The following GOSR2 variants were observed in gnomAD, a reference collection of about 807,000 sequenced individuals.
GOSR2 encodes golgi SNAP receptor complex member 2.
GOSR2 carries 20 observed loss-of-function variants against 27.9 expected under a neutral mutation model. The ratio of observed to expected loss-of-function variants is 0.72; its 90% CI spans 0.50 to 1.04. The LOEUF (loss-of-function observed/expected upper bound fraction) is 1.04. Ranked by LOEUF, GOSR2 falls within the 50% of genes least tolerant of loss-of-function variation. The pLI is 0.00. For missense variants in GOSR2, 261 were observed against 270.5 expected (o/e 0.97, Z 0.25); for synonymous variants, 91 against 98.8 (o/e 0.92, Z 0.47).
At chr17:46,949,604 G>A (rs544575233) in intron 6 of GOSR2, among the ~76,000 whole-genome samples, 3 of 152,300 alleles carry the variant, frequency 2.0e-5, no homozygotes, top group East Asian at 1.9e-4. Flanking sequence ...TGATGCTCAC[G>A]TCTAGCTGGG....
At chr17:46,974,997 T>G (rs931414135) in intron 6 of GOSR2, among the ~76,000 whole-genome samples, 1 of 25,794 alleles carries the variant, frequency 3.9e-5, no homozygotes, top group Non-Finnish European at 1.4e-4. Context: ...CTTTTTTTTT[T>G]TTTTTTTTTT....
downstream of GOSR2, among the ~76,000 whole-genome samples, chr17:46,944,419 G>C (rs2089650626): frequency 6.6e-6 from 1 of 152,134 alleles, no homozygotes; most frequent in African/African-American, 2.4e-5. Context: ...GTCCCTTTCT[G>C]GGGTGGACAT....
chr17:46,939,796 G>A lies in GOSR2; in HGVS notation c.*1036G>A, dbSNP rs948647426. On this transcript the variant is annotated 3_prime_UTR_variant, in exon 6 of 6. Transcript: ENST00000640051. ...CCTTTTTCCTTCTGTGACCAGCCCC[G>A]GATTCAGGCTGTACTAATACCAGGT... 4.1e-5 allele frequency: 40 copies of A among 987,008 alleles called. No individual in the cohort carries two copies. Among genetic ancestry groups the A allele is most frequent in the Non-Finnish European group, 4.2e-5 (35 of 830,976 alleles). The allele number at this position is 987,008 out of a possible 1,614,324, so 61.1% of individuals were successfully genotyped here.
chr17:46,931,940 G>T, intron 3 of GOSR2, 127 bp from the exon 4 acceptor site: 1 of 808,804 alleles, frequency 1.2e-6, no homozygotes, highest in Non-Finnish European at 2.2e-6. Context: ...TGTGGTGAGG[G>T]GGTATAGTGT....
rs1358308669 is a variant in GOSR2 at position 46,940,838 on chromosome 17, T to C, written c.*2078T>C. ...CCTGCGGCTGGTGGACAGCAGCCAG[T>C]GTGTCTGGACACCCAGGGGCATTGA... On this transcript the variant is annotated 3_prime_UTR_variant, in exon 6 of 6. Transcript: ENST00000640051. 1.1e-5 allele frequency: 16 copies of C among 1,457,080 alleles called. No homozygotes were observed. The highest frequency in any genetic ancestry group is 9.8e-5 in the South Asian group (7 of 71,160). The allele number at this position is 1,457,080 out of a possible 1,614,324, so 90.3% of individuals were successfully genotyped here.
chr17:46,943,622 A>G (rs186685241), downstream of GOSR2, among the ~76,000 whole-genome samples: 5 of 152,138 alleles, frequency 3.3e-5, no homozygotes, highest in Admixed American at 1.3e-4. Context: ...TAGTAGGCGC[A>G]GGCGCCATCG....
At chr17:46,923,863 G>A (rs749687413) in intron 1 of GOSR2, 1 of 398,312 alleles carries the variant, frequency 2.5e-6, no homozygotes, top group Non-Finnish European at 4.4e-6. Context: ...GCTGAGATAC[G>A]TAGTTGAGTA....
chr17:46,957,612 C>G (rs1429844083), intron 6 of GOSR2, among the ~76,000 whole-genome samples: 2 of 126,730 alleles, frequency 1.6e-5, no homozygotes, highest in African/African-American at 2.7e-5. Flanking sequence ...GACTTGGTCT[C>G]AAAACAAACA....
downstream of GOSR2, among the ~76,000 whole-genome samples, chr17:46,942,347 C>T (rs1472339117): frequency 6.6e-6 from 1 of 152,240 alleles, no homozygotes; most frequent in Non-Finnish European, 1.5e-5. Flanking sequence ...CCCTGCCAAT[C>T]TGAAACCCTC....
downstream of GOSR2, among the ~76,000 whole-genome samples, chr17:46,969,264 G>A (rs1468176324): frequency 6.6e-6 from 1 of 152,216 alleles, no homozygotes; most frequent in Non-Finnish European, 1.5e-5. Flanking sequence ...CCCTTCTGGA[G>A]AGGACTGAAG....
At position 46,929,382 on chromosome 17, in the gene GOSR2, G is replaced by T. The variant is rs980846880; in HGVS notation, c.30-138G>T. ...CATGCCAAAACGTGGGACCTAAAGT[G>T]CCACATACAAATTTTACAGTTCAGT... On this transcript the variant is annotated intron_variant, in intron 1 of 5. Coordinates refer to ENST00000640051, the MANE Select transcript of GOSR2 (RefSeq NM_004287.5). 1.9e-5 allele frequency: 13 copies of T among 697,486 alleles called. No individual in the cohort carries two copies. The African/African-American group carries it at 1.9e-4, about 10-fold the overall frequency. 43.2% of individuals were successfully genotyped at this position (697,486 alleles called of 1,614,324 possible).
chr17:46,932,391 C>A, intron 4 of GOSR2, 192 bp downstream of exon 4: 1 of 644,200 alleles, frequency 1.6e-6, no homozygotes, highest in South Asian at 1.9e-5. Context: ...TTTTCTAAGA[C>A]AAAAACCTGA....
At chr17:46,957,438 C>T (rs1266122881) in intron 6 of GOSR2, among the ~76,000 whole-genome samples, 3 of 152,116 alleles carry the variant, frequency 2.0e-5, no homozygotes, top group African/African-American at 4.8e-5. Flanking sequence ...CATGGTGAAA[C>T]CCCATCTCTA....
Position 46,940,834 on chromosome 17 carries a change from C to G in GOSR2, c.*2074C>G. The G allele has an allele frequency of 6.9e-7, 1 of 1,458,506 alleles. No individual in the cohort carries two copies. The allele number at this position is 1,458,506 out of a possible 1,614,324, so 90.3% of individuals were successfully genotyped here. ...ACCACCTGCGGCTGGTGGACAGCAG[C>G]CAGTGTGTCTGGACACCCAGGGGCA... On this transcript the variant is annotated 3_prime_UTR_variant, in exon 6 of 6. Coordinates refer to ENST00000640051, the MANE Select transcript of GOSR2 (RefSeq NM_004287.5).
At chr17:46,944,669 G>A (rs910507599), downstream of GOSR2, among the ~76,000 whole-genome samples, 5 of 150,666 alleles carry the variant, frequency 3.3e-5, no homozygotes, top group African/African-American at 4.9e-5. Context: ...GTGCAATCTC[G>A]GCTCACTGCA....
chr17:46,936,504 G>T, intron 5 of GOSR2: 1 of 985,520 alleles, frequency 1.0e-6, no homozygotes, highest in Non-Finnish European at 1.2e-6. Flanking sequence ...TTTGTCTCTT[G>T]ATTCCCTCCA....
intron 6 of GOSR2, among the ~76,000 whole-genome samples, chr17:46,954,258 A>G (rs2090564180): frequency 1.3e-5 from 2 of 152,224 alleles, no homozygotes; most frequent in South Asian, 2.1e-4. Flanking sequence ...ACATATGGCT[A>G]GCCAGTTTTC....
intron 2 of GOSR2, chr17:46,930,838 A>T: frequency 2.4e-6 from 1 of 409,000 alleles, no homozygotes; most frequent in African/African-American, 2.0e-5. Flanking sequence ...TAGGAAATTT[A>T]TTTCTACAGA....
chr17:46,941,998 A>G lies in GOSR2; in HGVS notation c.*3238A>G. On this transcript the variant is annotated 3_prime_UTR_variant, in exon 6 of 6. Coordinates refer to ENST00000640051, the MANE Select transcript of GOSR2 (RefSeq NM_004287.5). ...GAGCAAAACTTGTTAAGTCCAAAAT[A>G]AATTCTTACTGTTTATATCCTACCT... The G allele has an allele frequency of 1.0e-6, 1 of 973,554 alleles. No homozygotes were observed. The highest frequency in any genetic ancestry group is 1.2e-6 in the Non-Finnish European group (1 of 819,162). The allele number at this position is 973,554 out of a possible 1,614,324, so 60.3% of individuals were successfully genotyped here.
Sources: allele counts gnomAD v4.1 joint callset (sites outside exome capture counted in the v4.1 genomes callset), GRCh38; gene constraint gnomAD v4.1.1; transcripts MANE v1.5; gene names NCBI Gene and HGNC (gene_info 2026-07-23, HGNC 2026-07-21).